The following TASOR variants were observed in gnomAD, a reference collection of about 807,000 sequenced individuals.
TASOR encodes protein TASOR.
In TASOR, 53 loss-of-function variants were observed where a neutral mutation model predicts 178.6. That is an observed-to-expected ratio of 0.30 (90% CI 0.24 to 0.37). The LOEUF (loss-of-function observed/expected upper bound fraction) is 0.37. TASOR is among the 10% of genes least tolerant of loss of function. The pLI is 1.00. For missense variants in TASOR, 1,815 were observed against 1,971.4 expected, an observed-to-expected ratio of 0.92 and a Z score of 1.50; for synonymous variants, 713 against 696.2, an observed-to-expected ratio of 1.02 and a Z score of -0.38.
At position 56,661,116 on chromosome 3, in the gene TASOR, G is replaced by A. The variant is rs2077584417; in HGVS notation, c.1161-99C>T. ...AAAGTACACTTGATGGAAAATAGAA[G>A]AGCATATCTACGAATATCTCACCTT... is the stretch of plus-strand genomic sequence containing the variant. On this transcript the variant is annotated intron_variant, in intron 9 of 23. Transcript: ENST00000683822. The A allele has an allele frequency of 9.8e-6, 7 of 713,674 alleles. No individual in the cohort carries two copies. The Admixed American group carries it at 1.9e-4, about 20-fold the overall frequency. The allele number at this position is 713,674 out of a possible 1,614,324, so 44.2% of individuals were successfully genotyped here.
chr3:56,624,647 A>C lies in TASOR; in HGVS notation c.4319-4T>G, dbSNP rs200302505. The C allele has an allele frequency of 9.9e-5, 159 of 1,606,406 alleles. 1 individual carries two copies. In the East Asian group the frequency reaches 3.5e-3, roughly 35 times the overall value. On this transcript the variant is annotated splice_polypyrimidine_tract_variant and splice_region_variant and intron_variant, in intron 22 of 23. Transcript: ENST00000683822. ...GAAAGCATCTTGATGTTCTTCTCTA[A>C]ATTAAGAAAAAAAGTTTCATGTATG...
chr3:56,624,819 T>G lies in TASOR; in HGVS notation c.4318+9A>C. The G allele has an allele frequency of 6.2e-7, 1 of 1,613,302 alleles. No homozygotes were observed. On this transcript the variant is annotated intron_variant, in intron 22 of 23. Coordinates refer to ENST00000683822, the MANE Select transcript of TASOR (RefSeq NM_001365635.2). ...TTCATAGTAGAAAGCTTAGGAGTGC[T>G]CTCTTTACCTGTTAAAAAGACTATG... is the stretch of plus-strand genomic sequence containing the variant.
rs200563279 is a variant in TASOR, at chr3:56,621,489, G to T, written c.*1548C>A. Reference sequence around the variant, plus strand: ...AGTTTAACACAACATTGCAAGTCAGGTGTGCACATTTTACTAACAAACATA... The same window carrying T: ...AGTTTAACACAACATTGCAAGTCAGTTGTGCACATTTTACTAACAAACATA... On this transcript the variant is annotated 3_prime_UTR_variant, in exon 24 of 24. Coordinates refer to ENST00000683822, the MANE Select transcript of TASOR (RefSeq NM_001365635.2). 14 of 1,185,544 alleles carry T rather than the reference G, an allele frequency of 1.2e-5. No individual in the cohort carries two copies. The highest frequency in any genetic ancestry group is 1.6e-5 in the Non-Finnish European group (13 of 822,262). 73.4% of individuals were successfully genotyped at this position (1,185,544 alleles called of 1,614,324 possible).
intron 6 of TASOR, among the ~76,000 whole-genome samples, chr3:56,666,714 T>C (rs2030015789): frequency 6.6e-6 from 1 of 151,946 alleles, no homozygotes; most frequent in Non-Finnish European, 1.5e-5. Flanking sequence ...GCCAATCTAA[T>C]ACAAAAAGCA....
chr3:56,659,371 T>G (rs1330886194), intron 11 of TASOR, among the ~76,000 whole-genome samples: 1 of 152,164 alleles, frequency 6.6e-6, no homozygotes, highest in African/African-American at 2.4e-5. Flanking sequence ...AACAGCCACT[T>G]CCCTTCTCTC....
chr3:56,671,138 A>C (rs2030684439), intron 3 of TASOR, among the ~76,000 whole-genome samples: 1 of 151,992 alleles, frequency 6.6e-6, no homozygotes, highest in Non-Finnish European at 1.5e-5. Flanking sequence ...CAGGAGTTCA[A>C]GACCAGCCTG....
At chr3:56,652,258 A>T (rs936627133) in intron 11 of TASOR, among the ~76,000 whole-genome samples, 5 of 152,206 alleles carry the variant, frequency 3.3e-5, no homozygotes, top group African/African-American at 7.2e-5. Context: ...ATCTACTTTT[A>T]AAAAAAACAT....
At chr3:56,642,379 A>G (rs1233893739) in intron 14 of TASOR, among the ~76,000 whole-genome samples, 2 of 152,256 alleles carry the variant, frequency 1.3e-5, no homozygotes, top group Admixed American at 6.5e-5. Context: ...CATGCACTAT[A>G]AATCTGTATA....
chr3:56,674,201 T>TAAAAAA (rs11348732), intron 1 of TASOR, among the ~76,000 whole-genome samples: 1 of 111,830 alleles, frequency 8.9e-6, no homozygotes, highest in Non-Finnish European at 1.8e-5. Flanking sequence ...TCTTTAAGTT[T>TAAAAAA]AAAAAAAAAA....
At chr3:56,662,605 G>GAA in intron 8 of TASOR, 115 bp from the exon 9 acceptor site, 2 of 451,564 alleles carry the variant, frequency 4.4e-6, no homozygotes, top group South Asian at 3.7e-5. Context: ...AAGTAGGAGG[G>GAA]CAAAAAAAAA....
chr3:56,659,613 T>TC, intron 11 of TASOR, among the ~76,000 whole-genome samples: 1 of 152,280 alleles, frequency 6.6e-6, no homozygotes. Flanking sequence ...AGTTTCTACC[T>TC]CATCTCCCCT....
chr3:56,648,902 C>CAG lies in TASOR; in HGVS notation c.1442-11_1442-10dup. The stretch of plus-strand genomic sequence containing the variant: ...CTTGGCAGTCTGATATTCTAAAAAA[C>CAG]AGAAGCCAAACTCATTAGCAATGTG... On this transcript the variant is annotated splice_polypyrimidine_tract_variant and intron_variant, in intron 12 of 23. Coordinates refer to ENST00000683822, the MANE Select transcript of TASOR (RefSeq NM_001365635.2). The CAG allele has an allele frequency of 6.2e-7, 1 of 1,609,616 alleles. No individual in the cohort carries two copies. Among genetic ancestry groups the CAG allele is most frequent in the South Asian group, 1.1e-5 (1 of 89,414 alleles).
chr3:56,653,894 A>G (rs1245128044), intron 11 of TASOR, among the ~76,000 whole-genome samples: 1 of 152,244 alleles, frequency 6.6e-6, no homozygotes, highest in Non-Finnish European at 1.5e-5. Context: ...GTGAAATGCA[A>G]CTAAAGCACT....
intron 1 of TASOR, 46 bp downstream of exon 1, chr3:56,682,630 A>G (rs1490368530): frequency 1.4e-6 from 2 of 1,407,390 alleles, no homozygotes; most frequent in African/African-American, 2.9e-5. Flanking sequence ...TAATGAAAAG[A>G]TGGAGGGGAG....
intron 7 of TASOR, among the ~76,000 whole-genome samples, chr3:56,665,444 C>T (rs1414542948): frequency 6.6e-6 from 1 of 152,070 alleles, no homozygotes; most frequent in Non-Finnish European, 1.5e-5. Flanking sequence ...CCAACCTCCA[C>T]CGCCCAGGTT....
At chr3:56,626,282 G>T (rs899239122) in intron 21 of TASOR, among the ~76,000 whole-genome samples, 1 of 152,160 alleles carries the variant, frequency 6.6e-6, no homozygotes, top group Non-Finnish European at 1.5e-5. Context: ...TGACTTCCAT[G>T]CATTTTAGAA....
intron 13 of TASOR, among the ~76,000 whole-genome samples, chr3:56,647,996 C>G (rs2077271177): frequency 6.6e-6 from 1 of 151,400 alleles, no homozygotes; most frequent in Non-Finnish European, 1.5e-5. Context: ...GCCAGGAGTT[C>G]AAGAACAACC....
At chr3:56,632,202 G>A (rs906651132) in intron 18 of TASOR, among the ~76,000 whole-genome samples, 1 of 152,072 alleles carries the variant, frequency 6.6e-6, no homozygotes, top group Non-Finnish European at 1.5e-5. Context: ...GCCAGGCGCA[G>A]TGGCCCACGC....
intron 11 of TASOR, among the ~76,000 whole-genome samples, chr3:56,649,777 C>T (rs2077311056): frequency 6.6e-6 from 1 of 152,188 alleles, no homozygotes; most frequent in East Asian, 1.9e-4. Context: ...AATGGGTACA[C>T]TGACAAGAGC....
Sources: gnomAD v4.1 joint callset for allele counts (sites outside exome capture counted in the v4.1 genomes callset) on GRCh38, gnomAD v4.1.1 for gene constraint, MANE v1.5 for transcripts, NCBI Gene and HGNC (gene_info 2026-07-23, HGNC 2026-07-21) for gene names.